The following PAQR5 variants were observed in gnomAD, a reference collection of about 807,000 sequenced individuals.
The protein encoded by PAQR5 is progestin and adipoQ receptor family member 5, also known as membrane progestin receptor gamma.
A neutral mutation model predicts 34.5 loss-of-function variants in PAQR5; 20 were observed. That is an observed-to-expected ratio of 0.58 (90% CI 0.41 to 0.84). The LOEUF (loss-of-function observed/expected upper bound fraction) is 0.84, where lower values mean the gene tolerates loss of function less well. Among genes scored for constraint, PAQR5 ranks in the 40% least tolerant of loss-of-function variants. The pLI is 0.00. For synonymous variants in PAQR5, 131 were observed against 155.6 expected, an observed-to-expected ratio of 0.84 and a Z score of 1.18; for missense variants, 378 against 412.7, an observed-to-expected ratio of 0.92 and a Z score of 0.73.
intron 3 of PAQR5, among the ~76,000 whole-genome samples, chr15:69,362,817 C>T (rs937453608): frequency 1.3e-5 from 2 of 152,154 alleles, no homozygotes; most frequent in South Asian, 2.1e-4. Flanking sequence ...TCCATAGACT[C>T]GAACCCCGGC....
At chr15:69,310,445 C>T (rs770180327) in intron 1 of PAQR5, among the ~76,000 whole-genome samples, 6 of 152,002 alleles carry the variant, frequency 3.9e-5, no homozygotes, top group Non-Finnish European at 7.4e-5. Context: ...ATCTGGAAGA[C>T]AAAAAATGAT....
At chr15:69,343,329 G>C (rs992374886) in intron 2 of PAQR5, among the ~76,000 whole-genome samples, 7 of 152,232 alleles carry the variant, frequency 4.6e-5, no homozygotes, top group Non-Finnish European at 8.8e-5. Context: ...ATAATAGGCT[G>C]TCTGGGGGAA....
chr15:69,374,022 C>T (rs755803783), intron 3 of PAQR5, among the ~76,000 whole-genome samples: 2 of 151,848 alleles, frequency 1.3e-5, no homozygotes, highest in African/African-American at 2.4e-5. Context: ...AATTTTTATC[C>T]GTCTTACATG....
At chr15:69,306,652 C>T (rs907160637) in intron 1 of PAQR5, among the ~76,000 whole-genome samples, 7 of 152,096 alleles carry the variant, frequency 4.6e-5, no homozygotes, top group Admixed American at 4.6e-4. Context: ...ATCTGCCCAC[C>T]TCGGCCTCCC....
intron 1 of PAQR5, among the ~76,000 whole-genome samples, chr15:69,326,409 G>A (rs74791120): frequency 0.04 from 6,009 of 151,216 alleles, 168 homozygotes; most frequent in East Asian, 0.095. Context: ...AACTGGGAGC[G>A]GGGTTTTTAT....
intron 3 of PAQR5, among the ~76,000 whole-genome samples, chr15:69,375,116 G>C (rs1467779886): frequency 6.6e-6 from 1 of 152,212 alleles, no homozygotes; most frequent in Admixed American, 6.5e-5. Context: ...CACAGACTGA[G>C]TGGTCTAAAC....
chr15:69,386,083 C>T (rs1029680988), intron 5 of PAQR5, among the ~76,000 whole-genome samples: 2 of 151,514 alleles, frequency 1.3e-5, no homozygotes, highest in African/African-American at 2.4e-5. Context: ...TCCACACACA[C>T]TCACATCCAC....
At chr15:69,339,549 T>A (rs928834903) in intron 2 of PAQR5, among the ~76,000 whole-genome samples, 4 of 150,862 alleles carry the variant, frequency 2.7e-5, no homozygotes, top group African/African-American at 9.7e-5. Context: ...CTCAGCTCAC[T>A]GCAGCCTCTG....
Position 69,347,305 on chromosome 15 carries a change from C to A in PAQR5, c.-116+9804C>A, listed in dbSNP as rs116425822. Among the ~76,000 whole-genome samples the A allele has an allele frequency of 4.3e-3, 652 of 152,256 alleles. 1 individual carries two copies. Among genetic ancestry groups the A allele is most frequent in the Middle Eastern group, 0.017 (5 of 294 alleles). The stretch of plus-strand genomic sequence containing the variant: ...AGTTTGTCTCAAGCTAATTAATTGG[C>A]AAAGAGGTTCATTGTTTAGCATCTA... On this transcript the variant is annotated intron_variant, in intron 2 of 8. Transcript: ENST00000395407.
chr15:69,364,887 G>A (rs1016903186), intron 3 of PAQR5, among the ~76,000 whole-genome samples: 8 of 150,134 alleles, frequency 5.3e-5, no homozygotes, highest in Non-Finnish European at 8.9e-5. Context: ...ACAGGTGTCC[G>A]CCACCACACC....
At chr15:69,325,350 G>C (rs1272708408) in intron 1 of PAQR5, among the ~76,000 whole-genome samples, 1 of 152,150 alleles carries the variant, frequency 6.6e-6, no homozygotes, top group Non-Finnish European at 1.5e-5. Context: ...CAGCACCCTG[G>C]AATGTTTGTT....
intron 7 of PAQR5, among the ~76,000 whole-genome samples, chr15:69,398,662 G>A (rs1304629681): frequency 6.6e-6 from 1 of 152,208 alleles, no homozygotes; most frequent in Non-Finnish European, 1.5e-5. Flanking sequence ...CTGGGAGAGC[G>A]CCAAAGATGG....
At chr15:69,388,422 C>T (rs968636581) in intron 5 of PAQR5, among the ~76,000 whole-genome samples, 3 of 152,222 alleles carry the variant, frequency 2.0e-5, no homozygotes, top group East Asian at 1.9e-4. Context: ...CCACCCATCC[C>T]GAAAGCCTGC....
chr15:69,378,531 G>A (rs762308197), intron 3 of PAQR5, among the ~76,000 whole-genome samples: 96 of 149,272 alleles, frequency 6.4e-4, no homozygotes, highest in Non-Finnish European at 1.3e-3. Flanking sequence ...CTTACACTAA[G>A]AAATTGATAC....
intron 6 of PAQR5, among the ~76,000 whole-genome samples, chr15:69,392,673 A>C (rs2056305282): frequency 6.6e-6 from 1 of 152,146 alleles, no homozygotes; most frequent in Admixed American, 6.5e-5. Flanking sequence ...TTTCCGTTAG[A>C]GTGTAGCAGG....
At chr15:69,365,673 C>T (rs1015947983) in intron 3 of PAQR5, among the ~76,000 whole-genome samples, 4 of 152,154 alleles carry the variant, frequency 2.6e-5, no homozygotes, top group Non-Finnish European at 4.4e-5. Flanking sequence ...CTTGCCTGGA[C>T]TTGGGATTCA....
At chr15:69,337,582 A>C (rs562805555) in intron 2 of PAQR5, 81 bp downstream of exon 2, 1 of 152,324 alleles carries the variant, frequency 6.6e-6, no homozygotes, top group East Asian at 1.9e-4. Flanking sequence ...ATTTTGCTCA[A>C]CTCATAGGTA....
At chr15:69,399,435 T>G (rs2056553829) in intron 7 of PAQR5, among the ~76,000 whole-genome samples, 1 of 152,214 alleles carries the variant, frequency 6.6e-6, no homozygotes, top group South Asian at 2.1e-4. Context: ...ACAAAATATG[T>G]GTTACTTGGC....
At chr15:69,390,348 A>ATTT (rs67519047) in intron 6 of PAQR5, among the ~76,000 whole-genome samples, 4,525 of 124,734 alleles carry the variant, frequency 0.036, 165 homozygotes, top group East Asian at 0.084. Flanking sequence ...TTATTTATTT[A>ATTT]TTTATTTATT....
Sources: gnomAD v4.1 joint callset for allele counts (sites outside exome capture counted in the v4.1 genomes callset) on GRCh38, gnomAD v4.1.1 for gene constraint, MANE v1.5 for transcripts, NCBI Gene and HGNC (gene_info 2026-07-23, HGNC 2026-07-21) for gene names.